The following DNAI2 variants were observed in gnomAD, a reference collection of about 807,000 sequenced individuals.
DNAI2 encodes dynein axonemal intermediate chain 2, also known as dynein, axonemal, intermediate polypeptide 2.
A neutral mutation model predicts 74.7 loss-of-function variants in DNAI2; 63 were observed. That is an observed-to-expected ratio of 0.84 (90% confidence interval 0.69 to 1.04). DNAI2 has a LOEUF of 1.04. Among genes scored for constraint, DNAI2 ranks in the 50% least tolerant of loss-of-function variants. The pLI is 0.00. For synonymous variants in DNAI2, 289 were observed against 314.9 expected (o/e 0.92, Z 0.87); for missense variants, 688 against 803.2 (o/e 0.86, Z 1.73).
At chr17:74,294,654 G>T (rs2052330143) in intron 6 of DNAI2, among the ~76,000 whole-genome samples, 2 of 152,094 alleles carry the variant, frequency 1.3e-5, no homozygotes, top group South Asian at 4.1e-4. Flanking sequence ...TGTATGTGAT[G>T]AGTCATTTTT....
chr17:74,295,233 T>TTAA (rs377712998), intron 6 of DNAI2, among the ~76,000 whole-genome samples: 1 of 112,356 alleles, frequency 8.9e-6, no homozygotes, highest in Non-Finnish European at 1.8e-5. Context: ...CATCTCTACT[T>TTAA]AAAAAAAAAA....
At chr17:74,277,460 T>C (rs1286270375) in intron 1 of DNAI2, among the ~76,000 whole-genome samples, 7 of 151,724 alleles carry the variant, frequency 4.6e-5, no homozygotes, top group Admixed American at 3.3e-4. Context: ...TAAGGTTGAG[T>C]TGCTCTGGGG....
intron 6 of DNAI2, 42 bp downstream of exon 6, chr17:74,291,175 T>TATTTTG: frequency 6.7e-7 from 1 of 1,502,834 alleles, no homozygotes. Context: ...TTTTTATTTT[T>TATTTTG]TTTAGATGGA....
chr17:74,277,613 A>G (rs1489121679), intron 1 of DNAI2, among the ~76,000 whole-genome samples: 1 of 152,186 alleles, frequency 6.6e-6, no homozygotes, highest in African/African-American at 2.4e-5. Flanking sequence ...TTCTAGGGGC[A>G]CACAGCTCCT....
intron 8 of DNAI2, 148 bp downstream of exon 8, chr17:74,301,316 G>T (rs1305419374): frequency 8.3e-7 from 1 of 1,206,812 alleles, no homozygotes; most frequent in East Asian, 2.4e-5. Flanking sequence ...AGACGTGTGT[G>T]GCCTTTACAA....
rs781605510 is a variant in DNAI2, at chr17:74,309,259, C to A, written c.1218C>A (p.His406Gln). 6.2e-7 allele frequency: 1 copy of A among 1,614,126 alleles called. No homozygotes were observed. Among genetic ancestry groups the A allele is most frequent in the South Asian group, 1.1e-5 (1 of 91,074 alleles). The change falls in exon 10 of 14, where the codon CAC becomes CAA. Residue 406 changes from histidine (H) to glutamine (Q), a missense_variant. Physicochemically the swap from His to Gln is conservative, Grantham distance 24. Coordinates refer to ENST00000311014, the MANE Select transcript of DNAI2 (RefSeq NM_023036.6). ...RESSIMWTKY[H>Q]MAYLTDAAWS... ...TGTGGTCTACCTCCCACAGGTACCA[C>A]ATGGCTTACCTCACTGATGCTGCCT...
Position 74,283,445 on chromosome 17 carries a change from C to CT in DNAI2, c.183+1456dup, listed in dbSNP as rs1164556554. Among the ~76,000 whole-genome samples the CT allele has an allele frequency of 9.4e-3, 1,356 of 144,860 alleles. 14 individuals are homozygous for CT. The highest frequency in any genetic ancestry group is 0.032 in the African/African-American group (1,261 of 39,552). On this transcript the variant is annotated intron_variant, in intron 2 of 13. Transcript: ENST00000311014. ...AACATAGTGAGACTTCATTTCTACACTTTTTTTTTTTAATTACCCAGTTGT... is the reference window on the plus strand; with the variant it reads ...AACATAGTGAGACTTCATTTCTACACTTTTTTTTTTTTAATTACCCAGTTGT...
chr17:74,307,731 A>G (rs1250649215), intron 9 of DNAI2, among the ~76,000 whole-genome samples: 3 of 151,372 alleles, frequency 2.0e-5, no homozygotes, highest in South Asian at 4.2e-4. Context: ...TTTTTTTAGT[A>G]TAAGTATGTC....
rs1251584879 is a variant in DNAI2, at chr17:74,289,199, T to C, written c.468-395T>C. Among the ~76,000 whole-genome samples the C allele has an allele frequency of 2.0e-5, 3 of 152,282 alleles. No homozygotes were observed. In the South Asian group the frequency reaches 6.2e-4, roughly 32 times the overall value. On this transcript the variant is annotated intron_variant, in intron 4 of 13. Transcript: ENST00000311014. ...CCAGCCCTGCTGGGCTCTAACCTCG[T>C]ATATGGACCACCAGAGCAGGATGAT...
intron 12 of DNAI2, chr17:74,313,893 A>G: frequency 1.7e-6 from 1 of 577,438 alleles, no homozygotes; most frequent in Non-Finnish European, 3.0e-6. Context: ...TGCATGTGGC[A>G]GAAGCCAGGC....
chr17:74,283,745 G>A (rs1336769401), intron 2 of DNAI2, among the ~76,000 whole-genome samples: 1 of 150,652 alleles, frequency 6.6e-6, no homozygotes, highest in African/African-American at 2.4e-5. Flanking sequence ...CTCTACAGAA[G>A]AAAAACAAAA....
At chr17:74,310,739 A>T (rs1157910681) in intron 11 of DNAI2, among the ~76,000 whole-genome samples, 1 of 151,990 alleles carries the variant, frequency 6.6e-6, no homozygotes, top group Admixed American at 6.5e-5. Flanking sequence ...GGATCTCACC[A>T]TACTGGCCAG....
chr17:74,299,470 A>C (rs1598312368), intron 6 of DNAI2, among the ~76,000 whole-genome samples: 2 of 151,936 alleles, frequency 1.3e-5, no homozygotes, highest in African/African-American at 4.8e-5. Flanking sequence ...CCCAGGGCCA[A>C]GTGTTGGGTA....
intron 3 of DNAI2, among the ~76,000 whole-genome samples, chr17:74,285,970 TAGAGAG>T (rs3056091): frequency 6.3e-4 from 93 of 146,924 alleles, no homozygotes; most frequent in East Asian, 5.4e-3. Context: ...TATATATATA[TAGAGAG>T]AGAGAGAGAG....
Position 74,314,272 on chromosome 17 carries a change from G to A in DNAI2, c.*55+1G>A, listed in dbSNP as rs755651450. On this transcript the variant is annotated splice_donor_variant, in intron 13 of 13. Transcript: ENST00000311014. LOFTEE classifies it low-confidence loss of function (3UTR_SPLICE). ...GTGTGCCTTCCTTTCCCACCTCTTG[G>A]TATTGCCCCGCTCTCACAAGTGGGA... is the stretch of plus-strand genomic sequence containing the variant. The A allele has an allele frequency of 7.5e-6, 12 of 1,610,610 alleles. No individual in the cohort carries two copies. In the East Asian group the frequency reaches 2.7e-4, roughly 36 times the overall value.
chr17:74,280,495 A>G (rs977790664), intron 1 of DNAI2, among the ~76,000 whole-genome samples: 13 of 152,126 alleles, frequency 8.5e-5, no homozygotes, highest in South Asian at 2.1e-4. Flanking sequence ...CCTGTTGGGG[A>G]AGCCCCTGGC....
At chr17:74,294,089 G>A (rs367953403) in intron 6 of DNAI2, among the ~76,000 whole-genome samples, 20 of 151,554 alleles carry the variant, frequency 1.3e-4, no homozygotes, top group South Asian at 2.1e-4. Flanking sequence ...AGCTTGGATC[G>A]TGGTTTTTTC....
chr17:74,303,521 A>G (rs957489794), intron 8 of DNAI2, among the ~76,000 whole-genome samples: 3 of 151,894 alleles, frequency 2.0e-5, no homozygotes, highest in Non-Finnish European at 4.4e-5. Context: ...GCTTACTGCA[A>G]CATCCACCTC....
intron 9 of DNAI2, among the ~76,000 whole-genome samples, chr17:74,305,915 G>A (rs2053166229): frequency 2.0e-5 from 3 of 152,034 alleles, no homozygotes; most frequent in Non-Finnish European, 2.9e-5. Context: ...CAGGTGATCT[G>A]CCCACCTCGG....
Sources: gnomAD v4.1 joint callset for allele counts (sites outside exome capture counted in the v4.1 genomes callset) on GRCh38, gnomAD v4.1.1 for gene constraint, MANE v1.5 for transcripts, NCBI Gene and HGNC (gene_info 2026-07-23, HGNC 2026-07-21) for gene names.